RTL4: variants seen among roughly 807,000 people sequenced by gnomAD.
The protein encoded by RTL4 is retrotransposon Gag like 4, also known as retrotransposon Gag-like protein 4.
RTL4 carries 4 observed loss-of-function variants against 5.3 expected under a neutral mutation model. That is an observed-to-expected ratio of 0.75 (90% confidence interval 0.37 to 1.72). The LOEUF is 1.72. Among genes scored for constraint, RTL4 ranks in the 40% most tolerant of loss-of-function variants. RTL4 has a pLI of 0.04. For missense variants in RTL4, 260 were observed against 227.1 expected (o/e 1.14, Z -0.93); for synonymous variants, 98 against 87.3 (o/e 1.12, Z -0.68).
At chrX:112,280,050 GA>G in the RTL4 span, among the ~76,000 whole-genome samples, 1 of 110,664 alleles carries the variant, frequency 9.0e-6, no homozygotes, top group Non-Finnish European at 1.9e-5. Context: ...GGTGGGTAGG[GA>G]AAAAAAAGAA....
chrX:112,266,370 T>C, the RTL4 span, among the ~76,000 whole-genome samples: 1 of 110,865 alleles, frequency 9.0e-6, no homozygotes, highest in South Asian at 3.9e-4. Flanking sequence ...AGAAGGTCCA[T>C]TGACCATAGT....
the RTL4 span, among the ~76,000 whole-genome samples, chrX:112,408,859 A>G: frequency 8.9e-6 from 1 of 112,440 alleles, no homozygotes; most frequent in Admixed American, 9.4e-5. Context: ...TTCCGTGGAG[A>G]AAGTGGCATG....
the RTL4 span, among the ~76,000 whole-genome samples, chrX:112,425,879 C>A: frequency 9.0e-6 from 1 of 111,463 alleles, no homozygotes; most frequent in Non-Finnish European, 1.9e-5. Context: ...CAATCTTCAG[C>A]TTATCTTCCC....
chrX:112,240,082 T>C, the RTL4 span, among the ~76,000 whole-genome samples: 1 of 111,687 alleles, frequency 9.0e-6, no homozygotes, highest in African/African-American at 3.3e-5. Context: ...TTAAAACAAA[T>C]GAAAAATATT....
the RTL4 span, among the ~76,000 whole-genome samples, chrX:112,185,974 A>T: frequency 9.0e-6 from 1 of 111,157 alleles, no homozygotes; most frequent in African/African-American, 3.3e-5. Context: ...GGGGGATAAC[A>T]AAGACAAATT....
At chrX:112,453,644 T>C (rs187971016), upstream of RTL4, among the ~76,000 whole-genome samples, 110 of 112,047 alleles carry the variant, frequency 9.8e-4, no homozygotes, top group African/African-American at 3.4e-3. Context: ...GGGGCACTTA[T>C]GGTCAAGTCC....
the RTL4 span, among the ~76,000 whole-genome samples, chrX:112,163,416 T>A: frequency 9.0e-6 from 1 of 111,271 alleles, no homozygotes; most frequent in East Asian, 2.8e-4. Context: ...GATCAAGGGG[T>A]TGTATTCTGA....
At chrX:112,197,245 T>C in the RTL4 span, among the ~76,000 whole-genome samples, 6 of 109,545 alleles carry the variant, frequency 5.5e-5, no homozygotes, top group African/African-American at 6.6e-5. Context: ...ACTCTGCACT[T>C]GTTAGGTGGA....
At chrX:112,137,210 C>T in the RTL4 span, among the ~76,000 whole-genome samples, 1 of 111,755 alleles carries the variant, frequency 8.9e-6, no homozygotes, top group Non-Finnish European at 1.9e-5. Flanking sequence ...ATGCATTTCT[C>T]CAAGGAAGAC....
chrX:112,182,004 T>C, the RTL4 span, among the ~76,000 whole-genome samples: 5 of 111,633 alleles, frequency 4.5e-5, no homozygotes, highest in Non-Finnish European at 3.8e-5. Flanking sequence ...GAATCTTTGC[T>C]GTTCTAGAGA....
chrX:112,415,518 ATGCATTTCTAT>A, the RTL4 span, among the ~76,000 whole-genome samples: 4 of 111,374 alleles, frequency 3.6e-5, no homozygotes, highest in South Asian at 3.7e-4. Flanking sequence ...ACTGCAGGGT[ATGCATTTCTAT>A]TGGATATATA....
the RTL4 span, among the ~76,000 whole-genome samples, chrX:112,230,165 G>T: frequency 8.9e-6 from 1 of 112,690 alleles, no homozygotes; most frequent in Non-Finnish European, 1.9e-5. Context: ...CTTGAGCTGT[G>T]GTGGGCTCCA....
At chrX:112,413,890 G>T in the RTL4 span, among the ~76,000 whole-genome samples, 1 of 110,915 alleles carries the variant, frequency 9.0e-6, no homozygotes, top group African/African-American at 3.3e-5. Context: ...TGAGGTGATA[G>T]ATATCCCATT....
chrX:112,355,676 C>T, the RTL4 span, among the ~76,000 whole-genome samples: 85 of 110,936 alleles, frequency 7.7e-4, no homozygotes, highest in Non-Finnish European at 1.3e-3. Context: ...TTAGTTTTGT[C>T]TGCGCTGGGG....
chrX:112,390,106 AATATATAT>A, the RTL4 span, among the ~76,000 whole-genome samples: 237 of 17,341 alleles, frequency 0.014, 1 homozygote, highest in Middle Eastern at 0.032. Flanking sequence ...ATTTATATAT[AATATATAT>A]ATATATATAT....
chrX:112,344,257 C>T, the RTL4 span, among the ~76,000 whole-genome samples: 1 of 112,079 alleles, frequency 8.9e-6, no homozygotes, highest in African/African-American at 3.3e-5. Context: ...CTAACACCCA[C>T]CTCTTTTACA....
the RTL4 span, among the ~76,000 whole-genome samples, chrX:112,359,823 C>T: frequency 3.6e-5 from 4 of 110,957 alleles, no homozygotes; most frequent in Non-Finnish European, 5.7e-5. Flanking sequence ...ACACACAACA[C>T]CACACAGTTT....
At chrX:112,377,620 A>C in the RTL4 span, among the ~76,000 whole-genome samples, 8 of 112,139 alleles carry the variant, frequency 7.1e-5, no homozygotes, top group Non-Finnish European at 1.3e-4. Context: ...CATAAATTGG[A>C]GACCATCTGT....
the RTL4 span, among the ~76,000 whole-genome samples, chrX:112,305,464 A>G: frequency 1.8e-5 from 2 of 108,840 alleles, no homozygotes; most frequent in African/African-American, 6.7e-5. Context: ...CCGGGTTCAC[A>G]CCATTCTCCT....
Sources: gnomAD v4.1 joint callset for allele counts (sites outside exome capture counted in the v4.1 genomes callset) on GRCh38, gnomAD v4.1.1 for gene constraint, MANE v1.5 for transcripts, NCBI Gene and HGNC (gene_info 2026-07-23, HGNC 2026-07-21) for gene names.